The following KAZALD1 variants were observed in gnomAD, a reference collection of about 807,000 sequenced individuals.
KAZALD1 encodes the protein kazal-type serine protease inhibitor domain-containing protein 1.
KAZALD1 carries 31 observed loss-of-function variants against 27.7 expected under a neutral mutation model. That is an observed-to-expected ratio of 1.12 (90% CI 0.84 to 1.51). The LOEUF is 1.51. Among genes scored for constraint, KAZALD1 ranks in the 40% most tolerant of loss-of-function variants. KAZALD1 has a pLI of 0.00. For missense variants in KAZALD1, 444 were observed against 408.9 expected (o/e 1.09, Z -0.74); for synonymous variants, 179 against 182.0 (o/e 0.98, Z 0.13).
At position 101,064,583 on chromosome 10, in the gene KAZALD1, G is replaced by C; in HGVS notation, c.755G>C (p.Arg252Pro). The change falls in exon 4 of 5, where the codon CGC (arginine) becomes CCC (proline). Residue 252 changes from arginine (R) to proline (P), a missense_variant. Transcript: ENST00000370200. ...CGTCCCAGTGATGAGGGCACTTACC[G>C]CTGCCTTGGCCGCAATGCCCTGGGT... is the stretch of plus-strand genomic sequence containing the variant. ...AVRPSDEGTYRCLGRNALGQV... is the reference protein window; with the variant it reads ...AVRPSDEGTYPCLGRNALGQV... The C allele has an allele frequency of 3.7e-6, 6 of 1,614,076 alleles. No individual in the cohort carries two copies. The highest frequency in any genetic ancestry group is 5.1e-6 in the Non-Finnish European group (6 of 1,180,022).
chr10:101,067,765 G>T, downstream of KAZALD1: 1 of 378,388 alleles, frequency 2.6e-6, no homozygotes, highest in Non-Finnish European at 5.4e-6. Flanking sequence ...GTGCGGACTG[G>T]GCAGAACTGG....
In KAZALD1 at chr10:101,062,933, G is replaced by A. The variant is rs1439178368; in HGVS notation, c.341G>A (p.Gly114Asp). 1.1e-5 allele frequency: 17 copies of A among 1,602,572 alleles called. No individual in the cohort carries two copies. Among genetic ancestry groups the A allele is most frequent in the Non-Finnish European group, 1.4e-5 (16 of 1,179,528 alleles). Residue 114 changes from glycine to aspartate, a missense_variant, in exon 2 of 5, where the codon GGC becomes GAC. Physicochemically the swap from Gly to Asp is moderately conservative, Grantham distance 94. Coordinates refer to ENST00000370200, the MANE Select transcript of KAZALD1 (RefSeq NM_030929.5). The part of the protein sequence containing the change: ...EQLECRLDTG[G>D]DLSRGEVPEP... The stretch of plus-strand genomic sequence containing the variant: ...CTTGAGTGCCGGCTGGACACAGGCG[G>A]CGACCTGAGCCGCGGAGAGGTGCCG...
Position 101,062,557 on chromosome 10 carries a change from T to C in KAZALD1, c.-36T>C. 6.4e-7 allele frequency: 1 copy of C among 1,570,276 alleles called. No individual in the cohort carries two copies. Among genetic ancestry groups the C allele is most frequent in the Non-Finnish European group, 8.6e-7 (1 of 1,168,290 alleles). On this transcript the variant is annotated 5_prime_UTR_variant, in exon 2 of 5. Transcript: ENST00000370200. The stretch of plus-strand genomic sequence containing the variant: ...TTCCTGGCAGGGTGCCCGAACGCGC[T>C]GATGCCCCGAGTGCTCGCAGGGCTT...
chr10:101,064,243 T>A lies in KAZALD1; in HGVS notation c.512-18T>A. The A allele has an allele frequency of 6.2e-7, 1 of 1,613,828 alleles. No homozygotes were observed. Among genetic ancestry groups the A allele is most frequent in the African/African-American group, 1.3e-5 (1 of 75,016 alleles). ...TGCTGGGCCATGCTATTCTCAGACC[T>A]CCCGCCTTCACCCCCAGGGCCCCAG... On this transcript the variant is annotated intron_variant, in intron 2 of 4. Transcript: ENST00000370200.
Position 101,066,286 on chromosome 10 carries a change from C to T in KAZALD1, c.*1366C>T. 1 of 418,806 alleles carries T rather than the reference C, an allele frequency of 2.4e-6. No individual in the cohort carries two copies. The highest frequency in any genetic ancestry group is 4.9e-6 in the Non-Finnish European group (1 of 204,012). 25.9% of individuals were successfully genotyped at this position (418,806 alleles called of 1,614,324 possible). A position where few individuals can be genotyped will look rare whatever the true frequency, so the allele number is the denominator to read the frequency against. The stretch of plus-strand genomic sequence containing the variant: ...CCTTGGCTCAGCGTCAGAGTTTGTC[C>T]TCTGGGGCCCAACGCAGGGAGCCTG... On this transcript the variant is annotated 3_prime_UTR_variant, in exon 5 of 5. Coordinates refer to ENST00000370200, the MANE Select transcript of KAZALD1 (RefSeq NM_030929.5).
chr10:101,067,057 G>A lies in KAZALD1; in HGVS notation c.*2137G>A, dbSNP rs1939341505. ...GGTTTAATAAACGTGCTGAGATGCC[G>A]AGGATTATTCACCGCAAATAAATGA... On this transcript the variant is annotated 3_prime_UTR_variant, in exon 5 of 5. Coordinates refer to ENST00000370200, the MANE Select transcript of KAZALD1 (RefSeq NM_030929.5). The A allele has an allele frequency of 2.9e-6, 1 of 342,476 alleles. No individual in the cohort carries two copies. Among genetic ancestry groups the A allele is most frequent in the East Asian group, 8.1e-5 (1 of 12,332 alleles). The allele number at this position is 342,476 out of a possible 1,614,324, so 21.2% of individuals were successfully genotyped here.
In KAZALD1 at chr10:101,064,976, C is replaced by A; in HGVS notation, c.*56C>A. On this transcript the variant is annotated 3_prime_UTR_variant, in exon 5 of 5. Transcript: ENST00000370200. Reference sequence around the variant, plus strand: ...AGCGGCTATAGTGTTCATCCCTGCTCTTGAAAAGACCTGGAAAGGGGAGCA... The same window carrying A: ...AGCGGCTATAGTGTTCATCCCTGCTATTGAAAAGACCTGGAAAGGGGAGCA... 1 of 1,279,374 alleles carries A rather than the reference C, an allele frequency of 7.8e-7. No individual in the cohort carries two copies. The highest frequency in any genetic ancestry group is 1.1e-6 in the Non-Finnish European group (1 of 879,602). 79.3% of individuals were successfully genotyped at this position (1,279,374 alleles called of 1,614,324 possible).
intron 1 of KAZALD1, 26 bp from the exon 2 acceptor site, chr10:101,062,515 TC>T: frequency 7.2e-6 from 11 of 1,527,806 alleles, no homozygotes; most frequent in Non-Finnish European, 9.6e-6. Flanking sequence ...GTTTCTGACC[TC>T]CTGACCTGGC....
At position 101,066,180 on chromosome 10, in the gene KAZALD1, G is replaced by C. The variant is rs190873125; in HGVS notation, c.*1260G>C. On this transcript the variant is annotated 3_prime_UTR_variant, in exon 5 of 5. Transcript: ENST00000370200. Reference sequence around the variant, plus strand: ...AATGAAAGCATAAGTCAGCGAGGCCGAGGCGCTGTGTGTAGATGGCGACAG... The same window carrying C: ...AATGAAAGCATAAGTCAGCGAGGCCCAGGCGCTGTGTGTAGATGGCGACAG... 7.4e-4 allele frequency: 246 copies of C among 331,370 alleles called. 3 individuals are homozygous for C. Among genetic ancestry groups the C allele is most frequent in the African/African-American group, 5.1e-3 (238 of 46,418 alleles). The allele number at this position is 331,370 out of a possible 1,614,324, so 20.5% of individuals were successfully genotyped here.
chr10:101,064,390 T>C lies in KAZALD1; in HGVS notation c.641T>C (p.Leu214Pro). 6.2e-7 allele frequency: 1 copy of C among 1,614,196 alleles called. No homozygotes were observed. The highest frequency in any genetic ancestry group is 8.5e-7 in the Non-Finnish European group (1 of 1,180,022). ...AGGAAGGATGGCTTGGACATCCAGC[T>C]GCCAGGGGATGACCCCCACATCTCT... Reference protein sequence around the residue: ...EWRKDGLDIQLPGDDPHISVQ... With the variant: ...EWRKDGLDIQPPGDDPHISVQ... Residue 214 changes from leucine to proline, a missense_variant, in exon 3 of 5, where the codon CTG (leucine) becomes CCG (proline). Physicochemically the swap from Leu to Pro is moderately conservative, Grantham distance 98. Transcript: ENST00000370200.
downstream of KAZALD1, chr10:101,067,150 AG>A (rs540182012): frequency 1.9e-3 from 645 of 340,708 alleles, 4 homozygotes; most frequent in African/African-American, 0.016. Context: ...AGGGGGAGGG[AG>A]GGGGAGGGAG....
At position 101,066,231 on chromosome 10, in the gene KAZALD1, G is replaced by A. The variant is rs537379748; in HGVS notation, c.*1311G>A. On this transcript the variant is annotated 3_prime_UTR_variant, in exon 5 of 5. Coordinates refer to ENST00000370200, the MANE Select transcript of KAZALD1 (RefSeq NM_030929.5). ...CCTCCTACACGCCAGGGCTCCACCC[G>A]GATCCTGGCGCCACTGCGGGAGGGC... 13 of 355,692 alleles carry A rather than the reference G, an allele frequency of 3.7e-5. No individual in the cohort carries two copies. The East Asian group carries it at 4.6e-4, about 13-fold the overall frequency. 22.0% of individuals were successfully genotyped at this position (355,692 alleles called of 1,614,324 possible).
Position 101,066,907 on chromosome 10 carries a change from A to C in KAZALD1, c.*1987A>C. 3.2e-6 allele frequency: 1 copy of C among 314,254 alleles called. No homozygotes were observed. Among genetic ancestry groups the C allele is most frequent in the Non-Finnish European group, 6.2e-6 (1 of 160,892 alleles). 19.5% of individuals were successfully genotyped at this position (314,254 alleles called of 1,614,324 possible). Reference sequence around the variant, plus strand: ...AAGCACCACAGCCTGGAATGGGAGAACTGTTGTCCACCGCCCCCTCCCTCC... The same window carrying C: ...AAGCACCACAGCCTGGAATGGGAGACCTGTTGTCCACCGCCCCCTCCCTCC... On this transcript the variant is annotated 3_prime_UTR_variant, in exon 5 of 5. Transcript: ENST00000370200.
rs1939187274 is a variant in KAZALD1 at position 101,062,609 on chromosome 10, G to T, written c.17G>T (p.Arg6Leu). 6.3e-7 allele frequency: 1 copy of T among 1,582,196 alleles called. No homozygotes were observed. The highest frequency in any genetic ancestry group is 1.4e-5 in the African/African-American group (1 of 73,552). The change falls in exon 2 of 5, where the codon CGG becomes CTG. Residue 6 changes from arginine (R) to leucine (L), a missense_variant. By Grantham distance (102) the Arg-to-Leu change is moderately radical (BLOSUM62 -2). Transcript: ENST00000370200. ...CCGCTAACCATGCTGCCGCCGCCGC[G>T]GCCCGCAGCTGCCTTGGCGCTGCCT... is the stretch of plus-strand genomic sequence containing the variant. Reference protein sequence around the residue: MLPPPRPAAALALPVL... With the variant: MLPPPLPAAALALPVL...
downstream of KAZALD1, chr10:101,067,670 G>T: frequency 2.9e-6 from 1 of 343,002 alleles, no homozygotes. Flanking sequence ...AGGCTCCAAA[G>T]AAGTGTTGCG....
At position 101,062,761 on chromosome 10, in the gene KAZALD1, C is replaced by G. The variant is rs931704466; in HGVS notation, c.169C>G (p.Arg57Gly). 7.1e-6 allele frequency: 11 copies of G among 1,539,382 alleles called. No individual in the cohort carries two copies. Among genetic ancestry groups the G allele is most frequent in the Non-Finnish European group, 8.7e-6 (10 of 1,153,702 alleles). ...GGAGGGCGAGGGCTGCGCTCCCTGC[C>G]GGCCAGAAGAGTGCGCCGCGCCGCG... is the stretch of plus-strand genomic sequence containing the variant. ...LAEGEGCAPC[R>G]PEECAAPRGC... Residue 57 changes from arginine (R) to glycine (G), a missense_variant, in exon 2 of 5, where the codon CGG becomes GGG. Transcript: ENST00000370200.
intron 1 of KAZALD1, 82 bp from the exon 2 acceptor site, chr10:101,062,460 C>CT (rs1939182066): frequency 7.3e-7 from 1 of 1,375,096 alleles, no homozygotes; most frequent in Non-Finnish European, 9.7e-7. Context: ...TAGTGTCATG[C>CT]TTTGGTACAA....
At position 101,066,366 on chromosome 10, in the gene KAZALD1, C is replaced by G. The variant is rs553800482; in HGVS notation, c.*1446C>G. On this transcript the variant is annotated 3_prime_UTR_variant, in exon 5 of 5. Transcript: ENST00000370200. ...CCAACCCCAGGTCCTGCTTGGCCGC[C>G]CCTCCCGCGGCTACGCACTACTCCA... 50 of 456,356 alleles carry G rather than the reference C, an allele frequency of 1.1e-4. No individual in the cohort carries two copies. Among genetic ancestry groups the G allele is most frequent in the African/African-American group, 8.8e-4 (44 of 50,216 alleles). The allele number at this position is 456,356 out of a possible 1,614,324, so 28.3% of individuals were successfully genotyped here.
In KAZALD1 at chr10:101,066,123, G is replaced by T. The variant is rs1939311936; in HGVS notation, c.*1203G>T. On this transcript the variant is annotated 3_prime_UTR_variant, in exon 5 of 5. Coordinates refer to ENST00000370200, the MANE Select transcript of KAZALD1 (RefSeq NM_030929.5). ...TTACCTATCCCAGGGACACTGGTGAGACTCAATGTTTATTTAATGATTGGA... is the reference window on the plus strand; with the variant it reads ...TTACCTATCCCAGGGACACTGGTGATACTCAATGTTTATTTAATGATTGGA... Among the ~76,000 whole-genome samples, 2 of 152,238 alleles carry T rather than the reference G, an allele frequency of 1.3e-5. No homozygotes were observed. Among genetic ancestry groups the T allele is most frequent in the African/African-American group, 4.8e-5 (2 of 41,442 alleles).
Sources: gnomAD v4.1 joint callset for allele counts (sites outside exome capture counted in the v4.1 genomes callset) on GRCh38, gnomAD v4.1.1 for gene constraint, MANE v1.5 for transcripts, NCBI Gene and HGNC (gene_info 2026-07-23, HGNC 2026-07-21) for gene names.